Variants in SYMPK observed in about 807,000 individuals in gnomAD.
SYMPK encodes the protein symplekin.
Under a neutral mutation model 136.4 loss-of-function variants are expected in SYMPK, and 49 were observed. The observed-to-expected ratio is 0.36, with a 90% CI of 0.29 to 0.46. The LOEUF (loss-of-function observed/expected upper bound fraction) is 0.46. Ranked by LOEUF, SYMPK falls within the 20% of genes least tolerant of loss-of-function variation. The pLI, the probability that SYMPK is intolerant of heterozygous loss-of-function variation, is 1.00. For synonymous variants in SYMPK, 766 were observed against 713.0 expected (o/e 1.07, Z -1.19); for missense variants, 1,365 against 1,690.0 (o/e 0.81, Z 3.37).
intron 9 of SYMPK, among the ~76,000 whole-genome samples, chr19:45,841,072 G>A (rs903199516): frequency 1.3e-5 from 2 of 150,770 alleles, no homozygotes; most frequent in Admixed American, 6.6e-5. Context: ...TGCAACCACT[G>A]CCCCCAGTTC....
intron 25 of SYMPK, 80 bp from the exon 26 acceptor site, chr19:45,816,263 G>T: frequency 8.4e-7 from 1 of 1,186,696 alleles, no homozygotes; most frequent in Non-Finnish European, 1.2e-6. Flanking sequence ...ACCACCCTGA[G>T]GTGGTCTTTG....
In SYMPK at chr19:45,830,034, G is replaced by A. The variant is rs756738533; in HGVS notation, c.1749+20C>T. ...GGTAGAGGGACTGGAAGGATGGGGTGGGGGGTGGCAGGCGCACACCTGGGC... is the reference window on the plus strand; with the variant it reads ...GGTAGAGGGACTGGAAGGATGGGGTAGGGGGTGGCAGGCGCACACCTGGGC... On this transcript the variant is annotated intron_variant, in intron 13 of 26. Transcript: ENST00000245934. 6 of 1,533,560 alleles carry A rather than the reference G, an allele frequency of 3.9e-6. No individual in the cohort carries two copies. The East Asian group carries it at 7.4e-5, about 19-fold the overall frequency. The allele number at this position is 1,533,560 out of a possible 1,614,324, so 95.0% of individuals were successfully genotyped here.
chr19:45,838,407 C>A (rs978652510), intron 10 of SYMPK, 54 bp downstream of exon 10: 11 of 1,567,680 alleles, frequency 7.0e-6, no homozygotes, highest in Non-Finnish European at 9.6e-6. Flanking sequence ...GGTGAAAGAC[C>A]GAGGAGATCC....
chr19:45,827,529 C>T lies in SYMPK; in HGVS notation c.2162G>A (p.Ser721Asn), dbSNP rs531201055. Residue 721 changes from serine (S) to asparagine (N), a missense_variant, in exon 16 of 27, where the codon AGC becomes AAC. Around this residue, in one of 11 missense-constraint regions of SYMPK, gnomAD observed 303 missense variants for 326.6 expected, o/e 0.93. Coordinates refer to ENST00000245934, the MANE Select transcript of SYMPK (RefSeq NM_004819.3). ...GATCACCTTGTCCTTCTCATGGGAG[C>T]TGAGGTCGAGGAGGACATGCAGGTA... The part of the protein sequence containing the change: ...FQYLHVLLDL[S>N]SHEKDKVRSQ... 4 of 1,613,986 alleles carry T rather than the reference C, an allele frequency of 2.5e-6. No individual in the cohort carries two copies. The highest frequency in any genetic ancestry group is 1.1e-5 in the South Asian group (1 of 91,080).
intron 13 of SYMPK, 24 bp from the exon 14 acceptor site, chr19:45,829,229 G>T (rs761886582): frequency 6.2e-7 from 1 of 1,604,448 alleles, no homozygotes; most frequent in African/African-American, 1.3e-5. Context: ...GAGCCAGCAT[G>T]TCAGTGTAGG....
intron 8 of SYMPK, chr19:45,842,733 A>G: frequency 2.0e-6 from 1 of 500,834 alleles, no homozygotes. Flanking sequence ...AATACATACA[A>G]TTTCGTCCTC....
At chr19:45,824,392 A>G (rs532508789) in intron 18 of SYMPK, among the ~76,000 whole-genome samples, 1 of 152,270 alleles carries the variant, frequency 6.6e-6, no homozygotes, top group South Asian at 2.1e-4. Context: ...GCCCTCGAGA[A>G]GCTCACAGCC....
intron 9 of SYMPK, among the ~76,000 whole-genome samples, chr19:45,840,602 G>A (rs1178563090): frequency 2.0e-5 from 3 of 152,018 alleles, no homozygotes; most frequent in Non-Finnish European, 2.9e-5. Flanking sequence ...GGCAGAGCTT[G>A]TAGTGAGCCA....
chr19:45,828,391 A>G (rs1193045824), intron 14 of SYMPK: 1 of 184,362 alleles, frequency 5.4e-6, no homozygotes, highest in Non-Finnish European at 1.1e-5. Context: ...CAGAAGGCCA[A>G]TGTGGCTAAT....
intron 10 of SYMPK, among the ~76,000 whole-genome samples, chr19:45,836,405 C>T (rs1477520294): frequency 7.9e-5 from 12 of 151,924 alleles, no homozygotes; most frequent in Admixed American, 4.6e-4. Flanking sequence ...CTGAGGTGGG[C>T]GGATCACGAG....
rs769869612 is a variant in SYMPK, at chr19:45,827,859, A to G, written c.2045T>C (p.Val682Ala). 2.3e-5 allele frequency: 37 copies of G among 1,613,852 alleles called. No individual in the cohort carries two copies. The highest frequency in any genetic ancestry group is 3.1e-5 in the Non-Finnish European group (37 of 1,180,022). Residue 682 changes from valine to alanine, a missense_variant, in exon 15 of 27, where the codon GTC becomes GCC. Transcript: ENST00000245934. Reference sequence around the variant, plus strand: ...CACCTCATCCTCGCAGTACTTGCGGACCACCTCCAGGGCACTCTCTGTGAT... The same window carrying G: ...CACCTCATCCTCGCAGTACTTGCGGGCCACCTCCAGGGCACTCTCTGTGAT... ...PLITESALEV[V>A]RKYCEDESRT... is the part of the protein sequence containing the mutation.
chr19:45,850,140 G>A (rs554851136), intron 5 of SYMPK, among the ~76,000 whole-genome samples: 4 of 152,106 alleles, frequency 2.6e-5, no homozygotes, highest in Non-Finnish European at 4.4e-5. Flanking sequence ...AGATACTCGG[G>A]GGGGCTGAGG....
chr19:45,821,478 T>G lies in SYMPK; in HGVS notation c.2799A>C (p.Gly933=). The G allele has an allele frequency of 6.2e-7, 1 of 1,613,042 alleles. No homozygotes were observed. The highest frequency in any genetic ancestry group is 2.2e-5 in the East Asian group (1 of 44,846). ...NRLLGTQHGE[G]NSALSPLNPG... ...GGTTCAGCGGGGACAAGGCTGAGTT[T>G]CCCTCACCTGCAGCAGGCGGGAGGA... The change falls in exon 22 of 27, where the codon GGA becomes GGC. Residue 933 remains glycine, a synonymous_variant. Coordinates refer to ENST00000245934, the MANE Select transcript of SYMPK (RefSeq NM_004819.3). This position sits in a 1 kb window ranked among gnomAD's most constrained non-coding sequence, Gnocchi z 4.4.
At chr19:45,841,314 CAG>C (rs1333846538) in intron 9 of SYMPK, among the ~76,000 whole-genome samples, 2 of 137,876 alleles carry the variant, frequency 1.5e-5, no homozygotes, top group Admixed American at 7.7e-5. Flanking sequence ...TTTTTTGAGA[CAG>C]AGTTTCACTC....
intron 23 of SYMPK, 28 bp from the exon 24 acceptor site, chr19:45,817,002 G>A (rs368740018): frequency 6.5e-7 from 1 of 1,549,554 alleles, no homozygotes. Context: ...GGAGCCGTCG[G>A]GAGAGGCACA....
intron 23 of SYMPK, chr19:45,817,181 G>A: frequency 1.8e-6 from 1 of 547,542 alleles, no homozygotes; most frequent in South Asian, 2.5e-5. Context: ...CTTGGGAAGG[G>A]GGTGGAAGAA....
intron 1 of SYMPK, chr19:45,855,081 T>C (rs555064192): frequency 6.4e-6 from 1 of 156,256 alleles, no homozygotes; most frequent in African/African-American, 2.4e-5. Flanking sequence ...TTTCACCATG[T>C]TGGCCAGGCT....
intron 7 of SYMPK, among the ~76,000 whole-genome samples, chr19:45,844,484 CCAA>C (rs1380094616): frequency 6.6e-6 from 1 of 152,060 alleles, no homozygotes; most frequent in Non-Finnish European, 1.5e-5. Context: ...ACCAGCCTGG[CCAA>C]CATGGTAAAA....
rs1476435856 is a variant in SYMPK at position 45,830,108 on chromosome 19, A to G, written c.1695T>C (p.Ala565=). The G allele has an allele frequency of 2.5e-6, 4 of 1,583,476 alleles. No homozygotes were observed. The highest frequency in any genetic ancestry group is 1.3e-5 in the African/African-American group (1 of 74,136). The change falls in exon 13 of 27, where the codon GCT becomes GCC. Residue 565 remains alanine (A), a synonymous_variant. Transcript: ENST00000245934. Reference sequence around the variant, plus strand: ...TCTCAGCCCGCAGGATCCGCTTCACAGCGCCCAGCTTCATGGCTTCCACCT... The same window carrying G: ...TCTCAGCCCGCAGGATCCGCTTCACGGCGCCCAGCTTCATGGCTTCCACCT... ...DAQVEAMKLG[A]VKRILRAEKA...
Sources: gnomAD v4.1 joint callset for allele counts (sites outside exome capture counted in the v4.1 genomes callset) on GRCh38, gnomAD v4.1.1 for gene constraint, gnomAD v4.1.1 regional missense constraint, Gnocchi (gnomAD v3.1) non-coding constraint, MANE v1.5 for transcripts, NCBI Gene and HGNC (gene_info 2026-07-23, HGNC 2026-07-21) for gene names.